DOCK7: variants seen among roughly 807,000 people sequenced by gnomAD.
DOCK7 encodes the protein dedicator of cytokinesis protein 7.
DOCK7 carries 138 observed loss-of-function variants against 271.0 expected under a neutral mutation model. That is an observed-to-expected ratio of 0.51 (90% CI 0.44 to 0.59). The LOEUF (loss-of-function observed/expected upper bound fraction) is 0.59, where lower values mean the gene tolerates loss of function less well. DOCK7 is among the 20% of genes least tolerant of loss of function. DOCK7 has a pLI of 0.00. For synonymous variants in DOCK7, 823 were observed against 876.1 expected, an observed-to-expected ratio of 0.94 and a Z score of 1.07; for missense variants, 2,066 against 2,592.4, an observed-to-expected ratio of 0.80 and a Z score of 4.41.
At chr1:62,629,151 A>C (rs1352173411) in intron 11 of DOCK7, 3 of 152,236 alleles carry the variant, frequency 2.0e-5, no homozygotes, top group African/African-American at 7.2e-5. Context: ...GAATTTTTGA[A>C]GGTGCAGCCA....
At chr1:62,455,634 A>G in intron 49 of DOCK7, 178 bp from the exon 50 acceptor site, 1 of 623,024 alleles carries the variant, frequency 1.6e-6, no homozygotes, top group East Asian at 2.8e-5. Context: ...TTATAGATTT[A>G]GCTATAGAAG....
intron 10 of DOCK7, among the ~76,000 whole-genome samples, chr1:62,632,652 C>CT (rs969567428): frequency 1.2e-4 from 18 of 151,616 alleles, no homozygotes; most frequent in Middle Eastern, 3.4e-3. Flanking sequence ...AATTATCCAA[C>CT]TTTTTTTTTG....
At chr1:62,684,366 G>T (rs949481720) in intron 1 of DOCK7, among the ~76,000 whole-genome samples, 1 of 152,126 alleles carries the variant, frequency 6.6e-6, no homozygotes, top group African/African-American at 2.4e-5. Flanking sequence ...TAACATTTTT[G>T]AATGCTTATG....
At position 62,655,570 on chromosome 1, in the gene DOCK7, G is replaced by A. The variant is rs895479189; in HGVS notation, c.145-1411C>T. Among the ~76,000 whole-genome samples, 9 of 152,038 alleles carry A rather than the reference G, an allele frequency of 5.9e-5. No individual in the cohort carries two copies. The East Asian group carries it at 1.2e-3, about 20-fold the overall frequency. On this transcript the variant is annotated intron_variant, in intron 2 of 49. Transcript: ENST00000635253. ...CTCCCAAGTAGCTGGGATTACAGGC[G>A]TGAGCTACCATGCCTCACTAATTTT...
At chr1:62,643,236 A>C (rs543138099) in intron 7 of DOCK7, among the ~76,000 whole-genome samples, 2 of 152,324 alleles carry the variant, frequency 1.3e-5, no homozygotes, top group East Asian at 3.9e-4. Context: ...TCCCAACCAA[A>C]TTGGCCCAGA....
chr1:62,533,128 G>A (rs56792530), intron 29 of DOCK7, among the ~76,000 whole-genome samples: 5,547 of 151,990 alleles, frequency 0.036, 251 homozygotes, highest in African/African-American at 0.11. Flanking sequence ...TCAGGCAGCC[G>A]TTTTCTTATT....
intron 31 of DOCK7, among the ~76,000 whole-genome samples, chr1:62,519,495 C>T (rs1473365288): frequency 1.3e-5 from 2 of 152,100 alleles, no homozygotes; most frequent in African/African-American, 2.4e-5. Flanking sequence ...ACAAAAACAA[C>T]TTCTTAAATA....
chr1:62,549,917 A>G (rs1421305219), intron 22 of DOCK7, among the ~76,000 whole-genome samples: 2 of 152,186 alleles, frequency 1.3e-5, no homozygotes, highest in East Asian at 3.8e-4. Flanking sequence ...AAGTGAGAAC[A>G]TGTGAAGCTT....
Position 62,636,604 on chromosome 1 carries a change from C to G in DOCK7, c.819-1G>C. 6.3e-7 allele frequency: 1 copy of G among 1,590,540 alleles called. No individual in the cohort carries two copies. Among genetic ancestry groups the G allele is most frequent in the Non-Finnish European group, 8.6e-7 (1 of 1,165,194 alleles). On this transcript the variant is annotated splice_acceptor_variant, in intron 7 of 49. Transcript: ENST00000635253. LOFTEE classifies it high-confidence loss of function. ...AATGGGTTCAATTTCAATTTCAAACCTTTATGAAGAAAAAGGATAAAATAA... is the reference window on the plus strand; with the variant it reads ...AATGGGTTCAATTTCAATTTCAAACGTTTATGAAGAAAAAGGATAAAATAA...
intron 31 of DOCK7, among the ~76,000 whole-genome samples, chr1:62,518,911 A>G (rs778906648): frequency 3.3e-5 from 5 of 152,154 alleles, no homozygotes; most frequent in Non-Finnish European, 7.3e-5. Context: ...CCAGATTTTT[A>G]AGATACAAGA....
intron 31 of DOCK7, among the ~76,000 whole-genome samples, chr1:62,516,015 G>A (rs1254208943): frequency 3.9e-5 from 6 of 152,030 alleles, no homozygotes; most frequent in Admixed American, 3.3e-4. Flanking sequence ...TGAGACAACT[G>A]ATCTTCCTTG....
chr1:62,565,631 T>C (rs1646486894), intron 18 of DOCK7, among the ~76,000 whole-genome samples: 1 of 152,078 alleles, frequency 6.6e-6, no homozygotes, highest in African/African-American at 2.4e-5. Flanking sequence ...ACTGGAAGCA[T>C]CCCCTTTGAA....
chr1:62,660,960 A>C (rs1410718607), intron 2 of DOCK7, among the ~76,000 whole-genome samples: 2 of 152,130 alleles, frequency 1.3e-5, no homozygotes, highest in Non-Finnish European at 2.9e-5. Flanking sequence ...TTAGCCAGGC[A>C]TGATGGCATG....
rs542032355 is a variant in DOCK7, at chr1:62,505,950, A to C, written c.4477-134T>G. 1.6e-5 allele frequency: 13 copies of C among 826,778 alleles called. No homozygotes were observed. In the African/African-American group the frequency reaches 2.1e-4, roughly 13 times the overall value. 51.2% of individuals were successfully genotyped at this position (826,778 alleles called of 1,614,324 possible). A position where few individuals can be genotyped will look rare whatever the true frequency, so the allele number is the denominator to read the frequency against. On this transcript the variant is annotated intron_variant, in intron 35 of 49. Transcript: ENST00000635253. The stretch of plus-strand genomic sequence containing the variant: ...AGTTTTAAAAGATAAAAAAATGATA[A>C]CATAAGATCTAGGATGGCTTCAAGA...
chr1:62,622,056 A>G (rs1653311378), intron 12 of DOCK7, among the ~76,000 whole-genome samples: 7 of 152,206 alleles, frequency 4.6e-5, no homozygotes, highest in Admixed American at 4.6e-4. Context: ...AACATGATGC[A>G]AACAGAGGCT....
At chr1:62,640,327 C>T (rs887228961) in intron 7 of DOCK7, among the ~76,000 whole-genome samples, 1 of 152,060 alleles carries the variant, frequency 6.6e-6, no homozygotes, top group Non-Finnish European at 1.5e-5. Context: ...TCCTGGCCAA[C>T]ATGGCCAACA....
intron 14 of DOCK7, among the ~76,000 whole-genome samples, chr1:62,611,919 C>T (rs374571327): frequency 3.2e-4 from 48 of 150,704 alleles, no homozygotes; most frequent in South Asian, 1.9e-3. Flanking sequence ...CTGAGGTGGG[C>T]GGATCACCTG....
chr1:62,623,154 G>GA (rs1411269346), intron 12 of DOCK7, among the ~76,000 whole-genome samples: 1 of 152,074 alleles, frequency 6.6e-6, no homozygotes, highest in Non-Finnish European at 1.5e-5. Context: ...AACTGAAAAA[G>GA]AAAAAACTGC....
At chr1:62,613,974 C>T (rs58454620) in intron 14 of DOCK7, among the ~76,000 whole-genome samples, 1 of 151,914 alleles carries the variant, frequency 6.6e-6, no homozygotes, top group Non-Finnish European at 1.5e-5. Context: ...TAGATAATGG[C>T]CATATATAAA....
Sources: allele counts gnomAD v4.1 joint callset (sites outside exome capture counted in the v4.1 genomes callset), GRCh38; gene constraint gnomAD v4.1.1; transcripts MANE v1.5; gene names NCBI Gene and HGNC (gene_info 2026-07-23, HGNC 2026-07-21).